The following INSR variants were observed in gnomAD, a reference collection of about 807,000 sequenced individuals.
INSR encodes the protein insulin receptor.
In INSR, 67 loss-of-function variants were observed where a neutral mutation model predicts 142.6. The ratio of observed to expected loss-of-function variants is 0.47; its 90% CI spans 0.39 to 0.58. The LOEUF (loss-of-function observed/expected upper bound fraction) is 0.58. INSR is among the 20% of genes least tolerant of loss of function. INSR has a pLI of 0.00. For synonymous variants in INSR, 756 were observed against 743.1 expected, an observed-to-expected ratio of 1.02 and a Z score of -0.28; for missense variants, 1,248 against 1,833.2, an observed-to-expected ratio of 0.68 and a Z score of 5.83.
At chr19:7,240,308 C>T (rs947940834) in intron 2 of INSR, among the ~76,000 whole-genome samples, 12 of 152,116 alleles carry the variant, frequency 7.9e-5, no homozygotes, top group African/African-American at 2.9e-4. Flanking sequence ...TTATGCCAGG[C>T]GTGGTGGCTC....
At chr19:7,183,821 G>A (rs1448288666) in intron 3 of INSR, among the ~76,000 whole-genome samples, 3 of 152,050 alleles carry the variant, frequency 2.0e-5, no homozygotes, top group South Asian at 4.1e-4. Flanking sequence ...CACTTTGAGA[G>A]GCCAAGGCAG....
rs983979699 is a variant in INSR at position 7,130,664 on chromosome 19, G to A, written c.2842+1494C>T. Among the ~76,000 whole-genome samples the A allele has an allele frequency of 3.9e-5, 6 of 152,182 alleles. No homozygotes were observed. The South Asian group carries it at 1.2e-3, about 32-fold the overall frequency. ...AAAGTTTCTTGAGGCTTCCTCAGAA[G>A]CTGAGCAGATGCCAGCATCATGGTT... On this transcript the variant is annotated intron_variant, in intron 14 of 21. Transcript: ENST00000302850.
chr19:7,132,188 C>T lies in INSR; in HGVS notation c.2812G>A (p.Glu938Lys). The change falls in exon 14 of 22, where the codon GAA becomes AAA. Residue 938 changes from glutamate to lysine, a missense_variant. Glu to Lys is a moderately conservative substitution (Grantham distance 56, BLOSUM62 1). Around this residue, in one of 3 missense-constraint regions of INSR, gnomAD observed 1,069 missense variants for 1,654.0 expected, o/e 0.65. Coordinates refer to ENST00000302850, the MANE Select transcript of INSR (RefSeq NM_000208.4). The part of the protein sequence containing the change: ...TSLAGNGSWT[E>K]PTYFYVTDYL... ...TCTGTCACGTAGAAATAGGTGGGTT[C>T]CGTCCAAGAGCCGTTGCCCGCAAGG... 1 of 1,614,170 alleles carries T rather than the reference C, an allele frequency of 6.2e-7. No homozygotes were observed. The highest frequency in any genetic ancestry group is 8.5e-7 in the Non-Finnish European group (1 of 1,180,008).
chr19:7,244,739 A>C (rs1439757216), intron 2 of INSR, among the ~76,000 whole-genome samples: 1 of 152,042 alleles, frequency 6.6e-6, no homozygotes, highest in Non-Finnish European at 1.5e-5. Context: ...TTTAGAAATA[A>C]CTCCAAGAAC....
chr19:7,175,798 G>A (rs116427471), intron 3 of INSR, among the ~76,000 whole-genome samples: 36 of 151,402 alleles, frequency 2.4e-4, no homozygotes, highest in African/African-American at 8.0e-4. Context: ...TAGCACCACT[G>A]CACTCCAGCT....
chr19:7,229,949 TTTTG>T (rs1000996939), intron 2 of INSR, among the ~76,000 whole-genome samples: 13 of 151,928 alleles, frequency 8.6e-5, no homozygotes, highest in African/African-American at 1.9e-4. Flanking sequence ...TTTTTCTTTT[TTTTG>T]TTTGTTTGTT....
At chr19:7,197,112 A>C (rs150718575) in intron 2 of INSR, among the ~76,000 whole-genome samples, 1 of 152,228 alleles carries the variant, frequency 6.6e-6, no homozygotes, top group Middle Eastern at 3.2e-3. Flanking sequence ...CTTCGTGGTC[A>C]GCAGCGACGA....
intron 1 of INSR, among the ~76,000 whole-genome samples, chr19:7,290,558 A>G (rs1252090740): frequency 6.6e-6 from 1 of 152,100 alleles, no homozygotes; most frequent in Non-Finnish European, 1.5e-5. Context: ...AGATCACTTG[A>G]GGTCAGAAGT....
intron 1 of INSR, among the ~76,000 whole-genome samples, chr19:7,271,360 C>T (rs966748801): frequency 4.6e-5 from 7 of 152,134 alleles, no homozygotes; most frequent in African/African-American, 1.2e-4. Flanking sequence ...ACTAGCTGGG[C>T]GTGGTGGCAG....
At chr19:7,171,887 A>T (rs530961806) in intron 5 of INSR, among the ~76,000 whole-genome samples, 260 of 151,414 alleles carry the variant, frequency 1.7e-3, no homozygotes, top group African/African-American at 5.7e-3. Context: ...TTTGATTTTT[A>T]AAAAATCCTT....
At chr19:7,157,442 T>TG (rs1973625356) in intron 9 of INSR, among the ~76,000 whole-genome samples, 1 of 149,618 alleles carries the variant, frequency 6.7e-6, no homozygotes, top group African/African-American at 2.5e-5. Context: ...TTTTTTTTTT[T>TG]GGTAGAGACA....
At chr19:7,158,833 TTG>T (rs546422385) in intron 9 of INSR, among the ~76,000 whole-genome samples, 1 of 152,002 alleles carries the variant, frequency 6.6e-6, no homozygotes, top group Admixed American at 6.6e-5. Flanking sequence ...GCTTATTTAT[TTG>T]TGTGTGTGTG....
At chr19:7,244,468 G>A (rs1976466965) in intron 2 of INSR, among the ~76,000 whole-genome samples, 1 of 151,168 alleles carries the variant, frequency 6.6e-6, no homozygotes, top group South Asian at 2.1e-4. Flanking sequence ...GGGAGGCAGA[G>A]GTTGCAGTGA....
chr19:7,249,068 T>G (rs2145168518), intron 2 of INSR, among the ~76,000 whole-genome samples: 1 of 152,278 alleles, frequency 6.6e-6, no homozygotes, highest in Non-Finnish European at 1.5e-5. Flanking sequence ...TCCCCCAGTA[T>G]CTTTTGAAGC....
intron 3 of INSR, among the ~76,000 whole-genome samples, chr19:7,178,788 C>T (rs1476336935): frequency 2.0e-5 from 3 of 152,196 alleles, no homozygotes; most frequent in Admixed American, 1.3e-4. Context: ...CTGGTGGACA[C>T]ACCAGTATGT....
intron 17 of INSR, among the ~76,000 whole-genome samples, chr19:7,124,097 C>T (rs910692225): frequency 1.3e-5 from 2 of 151,962 alleles, no homozygotes; most frequent in African/African-American, 4.8e-5. Flanking sequence ...GGCGTGGTGG[C>T]TCACGCCTGT....
In INSR at chr19:7,289,554, C is replaced by T. The variant is rs563446563; in HGVS notation, c.100+4238G>A. Among the ~76,000 whole-genome samples the T allele has an allele frequency of 8.6e-4, 131 of 151,618 alleles. 1 individual carries two copies. The highest frequency in any genetic ancestry group is 1.1e-3 in the Non-Finnish European group (77 of 67,840). On this transcript the variant is annotated intron_variant, in intron 1 of 21. Transcript: ENST00000302850. Reference sequence around the variant, plus strand: ...CCAAGTAGCTAGGATTACAAGGACCCGCCACCACACCTGGCTAATTTTTGC... The same window carrying T: ...CCAAGTAGCTAGGATTACAAGGACCTGCCACCACACCTGGCTAATTTTTGC...
At position 7,117,150 on chromosome 19, in the gene INSR, T is replaced by C. The variant is rs1972353190; in HGVS notation, c.4055A>G (p.Lys1352Arg). Residue 1352 changes from lysine to arginine, a missense_variant, in exon 22 of 22, where the codon AAG becomes AGG. Lys to Arg is a conservative substitution (Grantham distance 26). This residue lies in a region of INSR where 122 missense variants were observed against 129.8 expected (regional missense o/e 0.94). Coordinates refer to ENST00000302850, the MANE Select transcript of INSR (RefSeq NM_000208.4). ...AGGGATGTGTTCCTCGTAGCTCCGC[T>C]TGAAACCCAGCGAGGACCCTCCATC... ...GRDGGSSLGF[K>R]RSYEEHIPYT... 1 of 1,614,012 alleles carries C rather than the reference T, an allele frequency of 6.2e-7. No homozygotes were observed. Among genetic ancestry groups the C allele is most frequent in the South Asian group, 1.1e-5 (1 of 91,088 alleles).
Position 7,115,065 on chromosome 19 carries a change from T to C in INSR, c.*1991A>G, listed in dbSNP as rs867494199. 6.6e-6 allele frequency: 1 copy of C among 152,018 alleles called. No homozygotes were observed. Among genetic ancestry groups the C allele is most frequent in the Non-Finnish European group, 1.5e-5 (1 of 68,008 alleles). The allele number at this position is 152,018 out of a possible 1,614,324, so 9.4% of individuals were successfully genotyped here. A position where few individuals can be genotyped will look rare whatever the true frequency, so the allele number is the denominator to read the frequency against. Reference sequence around the variant, plus strand: ...CCGAATCATATAAATAAGATAGCAATAGACAATTGGGATTCATGTCTACCT... The same window carrying C: ...CCGAATCATATAAATAAGATAGCAACAGACAATTGGGATTCATGTCTACCT... On this transcript the variant is annotated 3_prime_UTR_variant, in exon 22 of 22. Transcript: ENST00000302850.
Sources: gnomAD v4.1 joint callset for allele counts (sites outside exome capture counted in the v4.1 genomes callset) on GRCh38, gnomAD v4.1.1 for gene constraint, gnomAD v4.1.1 regional missense constraint, MANE v1.5 for transcripts, NCBI Gene and HGNC (gene_info 2026-07-23, HGNC 2026-07-21) for gene names.